The following TCF7L2 variants were observed in gnomAD, a reference collection of about 807,000 sequenced individuals.
TCF7L2 encodes the protein transcription factor 7 like 2.
Under a neutral mutation model 77.9 loss-of-function variants are expected in TCF7L2, and 23 were observed. The ratio of observed to expected loss-of-function variants is 0.30; its 90% confidence interval spans 0.21 to 0.42. The LOEUF (loss-of-function observed/expected upper bound fraction) is 0.42. Ranked by LOEUF, TCF7L2 falls within the 10% of genes least tolerant of loss-of-function variation. The pLI, the probability that TCF7L2 is intolerant of heterozygous loss-of-function variation, is 1.00. For synonymous variants in TCF7L2, 413 were observed against 340.2 expected (o/e 1.21, Z -2.36); for missense variants, 654 against 793.1 (o/e 0.82, Z 2.11).
chr10:113,087,379 C>T (rs559324407), intron 5 of TCF7L2, among the ~76,000 whole-genome samples: 16 of 152,354 alleles, frequency 1.1e-4, no homozygotes, highest in African/African-American at 3.6e-4. Flanking sequence ...ATAAAGCCAG[C>T]AGACAAGGAT....
At chr10:112,995,585 G>A (rs937431349) in intron 4 of TCF7L2, among the ~76,000 whole-genome samples, 2 of 152,180 alleles carry the variant, frequency 1.3e-5, no homozygotes, top group Non-Finnish European at 2.9e-5. Flanking sequence ...AGGCAGCTCA[G>A]AACAAGGGAT....
intron 4 of TCF7L2, among the ~76,000 whole-genome samples, chr10:113,004,484 G>A (rs535348936): frequency 2.1e-4 from 32 of 152,184 alleles, no homozygotes; most frequent in African/African-American, 7.2e-4. Flanking sequence ...AGATGAATAG[G>A]TCCAGGTATG....
chr10:113,099,374 G>C (rs1387997766), intron 5 of TCF7L2, among the ~76,000 whole-genome samples: 1 of 152,112 alleles, frequency 6.6e-6, no homozygotes, highest in African/African-American at 2.4e-5. Context: ...GACCCAACTT[G>C]GTCCCCCCAG....
At position 113,115,567 on chromosome 10, in the gene TCF7L2, C is replaced by T. The variant is rs150242624; in HGVS notation, c.553-25617C>T. Among the ~76,000 whole-genome samples, 16 of 152,190 alleles carry T rather than the reference C, an allele frequency of 1.1e-4. No homozygotes were observed. In the East Asian group the frequency reaches 1.5e-3, roughly 15 times the overall value. ...CATCCAAGTAGAATTTTGAATTGCA[C>T]GGAACGTTGTGATGAACACAAGTTG... On this transcript the variant is annotated intron_variant, in intron 5 of 13. Transcript: ENST00000627217.
At chr10:113,135,742 T>C (rs930342580) in intron 5 of TCF7L2, among the ~76,000 whole-genome samples, 1 of 152,194 alleles carries the variant, frequency 6.6e-6, no homozygotes, top group Admixed American at 6.5e-5. Flanking sequence ...ATCAGCCAAA[T>C]GTGTAAAAAT....
rs370325017 is a variant in TCF7L2 at position 113,049,184 on chromosome 10, G to T, written c.552+9058G>T. 2.4e-4 allele frequency among the ~76,000 whole-genome samples: 37 copies of T among 151,958 alleles called. 1 individual carries two copies. In the East Asian group the frequency reaches 5.0e-3, roughly 21 times the overall value. ...TTACTCAGGCCTCTGCCTCATCTCC[G>T]CTGCCCCCCCGCCCCCTGACTCTCT... On this transcript the variant is annotated intron_variant, in intron 5 of 13. Coordinates refer to ENST00000627217, the MANE Select transcript of TCF7L2 (RefSeq NM_001146274.2).
chr10:113,042,042 C>T (rs1233553116), intron 5 of TCF7L2, among the ~76,000 whole-genome samples: 4 of 152,168 alleles, frequency 2.6e-5, no homozygotes, highest in African/African-American at 4.8e-5. Flanking sequence ...GCAGTACCCC[C>T]GTGTAAAGGA....
intron 4 of TCF7L2, among the ~76,000 whole-genome samples, chr10:112,997,566 A>G (rs2043704807): frequency 6.6e-6 from 1 of 152,258 alleles, no homozygotes; most frequent in Non-Finnish European, 1.5e-5. Flanking sequence ...AGTAAGCTGT[A>G]GAGCTGCTGC....
rs1288986327 is a variant in TCF7L2, at chr10:113,151,588, G to A, written c.1002-137G>A. ...TTTTTGTTCCATTTTCCGGGGTGCA[G>A]AAGAACTAAAAGCATGCTTTTTAAT... On this transcript the variant is annotated intron_variant, in intron 9 of 13. Coordinates refer to ENST00000627217, the MANE Select transcript of TCF7L2 (RefSeq NM_001146274.2). The surrounding 1 kb of genome is among the most constrained non-coding windows in gnomAD (Gnocchi z 5.2). 4 of 1,133,082 alleles carry A rather than the reference G, an allele frequency of 3.5e-6. No individual in the cohort carries two copies. The highest frequency in any genetic ancestry group is 4.8e-6 in the Non-Finnish European group (4 of 836,168). 70.2% of individuals were successfully genotyped at this position (1,133,082 alleles called of 1,614,324 possible).
intron 5 of TCF7L2, among the ~76,000 whole-genome samples, chr10:113,094,415 G>A (rs1397843405): frequency 6.6e-6 from 1 of 152,178 alleles, no homozygotes; most frequent in African/African-American, 2.4e-5. Context: ...TACGTGGTAT[G>A]TATGGAAAAT....
rs761291344 is a variant in TCF7L2 at position 113,166,407 on chromosome 10, T to C, written c.*435T>C. On this transcript the variant is annotated 3_prime_UTR_variant, in exon 14 of 14. Coordinates refer to ENST00000627217, the MANE Select transcript of TCF7L2 (RefSeq NM_001146274.2). ...GAGCTTGCGAACCAATCATTTTACA[T>C]CTGGTTTTTAAACCGTAAGGGCACC... The C allele has an allele frequency of 4.4e-6, 1 of 228,364 alleles. No individual in the cohort carries two copies. Among genetic ancestry groups the C allele is most frequent in the East Asian group, 6.2e-5 (1 of 16,022 alleles). 14.1% of individuals were successfully genotyped at this position (228,364 alleles called of 1,614,324 possible).
intron 4 of TCF7L2, among the ~76,000 whole-genome samples, chr10:112,996,504 G>A (rs1159749535): frequency 6.6e-6 from 1 of 152,142 alleles, no homozygotes; most frequent in Non-Finnish European, 1.5e-5. Flanking sequence ...TCAAACCAGG[G>A]CCCCCCTCAC....
At chr10:112,995,287 T>TA (rs2043261526) in intron 4 of TCF7L2, among the ~76,000 whole-genome samples, 1 of 152,068 alleles carries the variant, frequency 6.6e-6, no homozygotes, top group Admixed American at 6.5e-5. Context: ...AGTTCGGCCT[T>TA]ACGTTTTTTT....
intron 5 of TCF7L2, among the ~76,000 whole-genome samples, chr10:113,117,424 T>C (rs994709619): frequency 2.4e-4 from 8 of 33,460 alleles, no homozygotes; most frequent in East Asian, 5.1e-4. Context: ...TCTCTCTCTC[T>C]CTCTCTCTCC....
intron 4 of TCF7L2, among the ~76,000 whole-genome samples, chr10:112,983,372 G>A (rs905018634): frequency 6.6e-5 from 10 of 152,080 alleles, no homozygotes; most frequent in Non-Finnish European, 1.0e-4. Flanking sequence ...TCCGGAGGCT[G>A]AGGCAGGGGA....
intron 4 of TCF7L2, among the ~76,000 whole-genome samples, chr10:113,014,396 G>A (rs1291033650): frequency 6.6e-6 from 1 of 152,160 alleles, no homozygotes; most frequent in East Asian, 1.9e-4. Flanking sequence ...TCAGGGCCAA[G>A]GATGCTTCTA....
intron 3 of TCF7L2, among the ~76,000 whole-genome samples, chr10:112,958,957 T>C (rs977699636): frequency 6.6e-6 from 1 of 152,220 alleles, no homozygotes; most frequent in African/African-American, 2.4e-5. Context: ...TGAAAAATGC[T>C]GTGTTAGGAA....
chr10:112,987,589 A>C (rs2041794832), intron 4 of TCF7L2: 1 of 152,136 alleles, frequency 6.6e-6, no homozygotes, highest in Admixed American at 6.5e-5. Context: ...TCCAGTTTCT[A>C]AGTGTGATGA....
intron 4 of TCF7L2, among the ~76,000 whole-genome samples, chr10:112,973,687 T>TCAAGCTGTTCGCCTG: frequency 6.6e-6 from 1 of 152,180 alleles, no homozygotes; most frequent in Non-Finnish European, 1.5e-5. Context: ...CCTCCTGGGT[T>TCAAGCTGTTCGCCTG]CAAGCTGTTC....
Sources: gnomAD v4.1 joint callset for allele counts (sites outside exome capture counted in the v4.1 genomes callset) on GRCh38, gnomAD v4.1.1 for gene constraint, Gnocchi (gnomAD v3.1) non-coding constraint, MANE v1.5 for transcripts, NCBI Gene and HGNC (gene_info 2026-07-23, HGNC 2026-07-21) for gene names.